ANKRD17: variants seen among roughly 807,000 people sequenced by gnomAD.
ANKRD17 encodes the protein ankyrin repeat domain 17.
ANKRD17 carries 19 observed loss-of-function variants against 229.7 expected under a neutral mutation model. The observed-to-expected ratio is 0.08, with a 90% CI of 0.06 to 0.12. ANKRD17 has a LOEUF of 0.12. Among genes scored for constraint, ANKRD17 ranks in the 10% least tolerant of loss-of-function variants. The pLI, the probability that ANKRD17 is intolerant of heterozygous loss-of-function variation, is 1.00. For missense variants in ANKRD17, 2,176 were observed against 3,176.8 expected (o/e 0.68, Z 7.57); for synonymous variants, 1,112 against 1,146.1 (o/e 0.97, Z 0.60).
chr4:73,085,575 G>C lies in ANKRD17; in HGVS notation c.6962-129C>G, dbSNP rs141416976. The C allele has an allele frequency of 8.9e-5, 73 of 821,244 alleles. No individual in the cohort carries two copies. The African/African-American group carries it at 1.1e-3, about 13-fold the overall frequency. 50.9% of individuals were successfully genotyped at this position (821,244 alleles called of 1,614,324 possible). On this transcript the variant is annotated intron_variant, in intron 29 of 33. Coordinates refer to ENST00000358602, the MANE Select transcript of ANKRD17 (RefSeq NM_032217.5). ...ATAATTAAAAAAATCCCGGCTGGGAGTGGTGGCCCACATCTGTAATCCCAG... is the reference window on the plus strand; with the variant it reads ...ATAATTAAAAAAATCCCGGCTGGGACTGGTGGCCCACATCTGTAATCCCAG...
intron 1 of ANKRD17, among the ~76,000 whole-genome samples, chr4:73,182,135 T>C (rs1294915850): frequency 3.7e-5 from 4 of 108,542 alleles, no homozygotes; most frequent in African/African-American, 1.1e-4. Flanking sequence ...GAATGAAATA[T>C]ATAAATAACT....
chr4:73,075,288 A>C lies in ANKRD17; in HGVS notation c.*943T>G, dbSNP rs931713909. 1 of 152,138 alleles carries C rather than the reference A, an allele frequency of 6.6e-6. No individual in the cohort carries two copies. Among genetic ancestry groups the C allele is most frequent in the Non-Finnish European group, 1.5e-5 (1 of 67,974 alleles). The allele number at this position is 152,138 out of a possible 1,614,324, so 9.4% of individuals were successfully genotyped here. On this transcript the variant is annotated 3_prime_UTR_variant, in exon 34 of 34. Transcript: ENST00000358602. ...GAATATTAAGAGCTTGTATATGCTG[A>C]CTGGGAACAGTGGTGGCTTTTTAAA...
chr4:73,153,122 G>GC (rs891022839), intron 6 of ANKRD17, among the ~76,000 whole-genome samples: 1 of 152,092 alleles, frequency 6.6e-6, no homozygotes, highest in African/African-American at 2.4e-5. Flanking sequence ...GTAAGCTTGT[G>GC]CAAGTGAAAG....
intron 1 of ANKRD17, among the ~76,000 whole-genome samples, chr4:73,211,081 T>C (rs1422456001): frequency 6.6e-6 from 1 of 152,092 alleles, no homozygotes; most frequent in Non-Finnish European, 1.5e-5. Flanking sequence ...TTTTTTTAAC[T>C]TAAAGAGTCA....
chr4:73,170,403 G>A (rs1223189245), intron 2 of ANKRD17, among the ~76,000 whole-genome samples: 1 of 151,912 alleles, frequency 6.6e-6, no homozygotes, highest in African/African-American at 2.4e-5. Context: ...GAGCCCTTGG[G>A]CCCTGAAGAA....
At chr4:73,159,452 C>T (rs972956435) in intron 3 of ANKRD17, among the ~76,000 whole-genome samples, 1 of 152,084 alleles carries the variant, frequency 6.6e-6, no homozygotes, top group Non-Finnish European at 1.5e-5. Flanking sequence ...AACTTGTGGG[C>T]GAAGGGCATA....
chr4:73,253,266 C>T (rs1745186601), intron 1 of ANKRD17, among the ~76,000 whole-genome samples: 1 of 152,182 alleles, frequency 6.6e-6, no homozygotes, highest in South Asian at 2.1e-4. Context: ...CTCACACCTC[C>T]CCAAACTTAT....
At position 73,251,860 on chromosome 4, in the gene ANKRD17, G is replaced by C. The variant is rs894116959; in HGVS notation, c.393+6416C>G. Among the ~76,000 whole-genome samples the C allele has an allele frequency of 2.6e-5, 4 of 152,152 alleles. No homozygotes were observed. In the East Asian group the frequency reaches 5.8e-4, roughly 22 times the overall value. ...GCATAATCAGGTAACAGCAGAAACA[G>C]ATAGTCTAGTGAATTTCCGAGAGTC... On this transcript the variant is annotated intron_variant, in intron 1 of 33. Coordinates refer to ENST00000358602, the MANE Select transcript of ANKRD17 (RefSeq NM_032217.5).
At chr4:73,234,650 T>C (rs1297192224) in intron 1 of ANKRD17, among the ~76,000 whole-genome samples, 1 of 152,244 alleles carries the variant, frequency 6.6e-6, no homozygotes, top group Non-Finnish European at 1.5e-5. Context: ...GAAGTCAAGT[T>C]GGCTGGGAAC....
chr4:73,149,106 A>C, intron 7 of ANKRD17, 56 bp from the exon 8 acceptor site: 4 of 1,450,796 alleles, frequency 2.8e-6, no homozygotes, highest in Non-Finnish European at 3.8e-6. Flanking sequence ...AATCTTGAAA[A>C]ATTTGAAGAC....
chr4:73,098,030 C>T, intron 26 of ANKRD17, 43 bp downstream of exon 26: 2 of 1,514,780 alleles, frequency 1.3e-6, no homozygotes, highest in Non-Finnish European at 1.8e-6. Flanking sequence ...TAAGGTATTT[C>T]ATGATGACAC....
In ANKRD17 at chr4:73,151,577, T is replaced by C. The variant is rs1345911082; in HGVS notation, c.1235-53A>G. The C allele has an allele frequency of 1.1e-5, 14 of 1,269,670 alleles. No homozygotes were observed. In the East Asian group the frequency reaches 3.3e-4, roughly 30 times the overall value. 78.7% of individuals were successfully genotyped at this position (1,269,670 alleles called of 1,614,324 possible). A position where few individuals can be genotyped will look rare whatever the true frequency, so the allele number is the denominator to read the frequency against. On this transcript the variant is annotated intron_variant, in intron 6 of 33. Transcript: ENST00000358602. ...GAAAATATTTTATTATTCCAAAATATTTTTTAAAATTATAATATTTTGAAA... is the reference window on the plus strand; with the variant it reads ...GAAAATATTTTATTATTCCAAAATACTTTTTAAAATTATAATATTTTGAAA...
intron 1 of ANKRD17, among the ~76,000 whole-genome samples, chr4:73,224,505 T>C (rs933776645): frequency 3.3e-5 from 5 of 152,204 alleles, no homozygotes; most frequent in Non-Finnish European, 4.4e-5. Flanking sequence ...ATAAAGTACC[T>C]ACTACACGGT....
intron 1 of ANKRD17, among the ~76,000 whole-genome samples, chr4:73,241,748 C>T (rs1240720134): frequency 1.3e-5 from 2 of 151,882 alleles, no homozygotes; most frequent in African/African-American, 4.8e-5. Context: ...ATTTGAAAAA[C>T]TAACATGAAT....
At chr4:73,150,582 A>T (rs1360745133) in intron 7 of ANKRD17, among the ~76,000 whole-genome samples, 1 of 152,222 alleles carries the variant, frequency 6.6e-6, no homozygotes, top group Non-Finnish European at 1.5e-5. Flanking sequence ...CTAAGATGGC[A>T]ATAAGGAAAA....
chr4:73,080,562 T>C (rs1425884291), intron 30 of ANKRD17, among the ~76,000 whole-genome samples: 2 of 152,162 alleles, frequency 1.3e-5, no homozygotes, highest in Non-Finnish European at 2.9e-5. Flanking sequence ...AAAGCTTGTT[T>C]TTTAAAAACC....
chr4:73,219,778 G>T (rs1741611229), intron 1 of ANKRD17, among the ~76,000 whole-genome samples: 1 of 152,020 alleles, frequency 6.6e-6, no homozygotes, highest in African/African-American at 2.4e-5. Flanking sequence ...GGGTATGAGA[G>T]TTATTATTAC....
Position 73,142,264 on chromosome 4 carries a change from G to A in ANKRD17, c.2207C>T (p.Pro736Leu). The change falls in exon 13 of 34, where the codon CCC becomes CTC. Residue 736 changes from proline to leucine, a missense_variant. Physicochemically the swap from Pro to Leu is moderately conservative, Grantham distance 98 (BLOSUM62 -3). Transcript: ENST00000358602. ...TACCCTATTTAAATCGTGGGATGGGGGAGTTAACTGAGTGACATCTGGTGG... is the reference window on the plus strand; with the variant it reads ...TACCCTATTTAAATCGTGGGATGGGAGAGTTAACTGAGTGACATCTGGTGG... Reference protein sequence around the residue: ...APPPDVTQLTPPSHDLNRAPR... With the variant: ...APPPDVTQLTLPSHDLNRAPR... The A allele has an allele frequency of 1.3e-6, 2 of 1,552,542 alleles. No individual in the cohort carries two copies. The highest frequency in any genetic ancestry group is 2.4e-5 in the East Asian group (1 of 42,328).
At chr4:73,224,027 A>AGCTC (rs1299947658) in intron 1 of ANKRD17, among the ~76,000 whole-genome samples, 1 of 152,138 alleles carries the variant, frequency 6.6e-6, no homozygotes, top group African/African-American at 2.4e-5. Flanking sequence ...TGAGGCGAGC[A>AGCTC]GATCATTTGA....
Sources: allele counts gnomAD v4.1 joint callset (sites outside exome capture counted in the v4.1 genomes callset), GRCh38; gene constraint gnomAD v4.1.1; transcripts MANE v1.5; gene names NCBI Gene and HGNC (gene_info 2026-07-23, HGNC 2026-07-21).